ISM1: variants seen among roughly 807,000 people sequenced by gnomAD.
The protein encoded by ISM1 is isthmin 1, also known as isthmin-1.
A neutral mutation model predicts 46.3 loss-of-function variants in ISM1; 25 were observed. That is an observed-to-expected ratio of 0.54 (90% CI 0.39 to 0.75). ISM1 has a LOEUF of 0.75. ISM1 is among the 30% of genes least tolerant of loss of function. The pLI, the probability that ISM1 is intolerant of heterozygous loss-of-function variation, is 0.00. For missense variants in ISM1, 536 were observed against 625.4 expected, an observed-to-expected ratio of 0.86 and a Z score of 1.52; for synonymous variants, 255 against 256.7, an observed-to-expected ratio of 0.99 and a Z score of 0.06.
chr20:13,272,210 G>A (rs2123257297), intron 2 of ISM1, among the ~76,000 whole-genome samples: 1 of 152,250 alleles, frequency 6.6e-6, no homozygotes, highest in African/African-American at 2.4e-5. Context: ...CAGACCAATT[G>A]ATCCTTCATT....
At position 13,279,719 on chromosome 20, in the gene ISM1, C is replaced by T. The variant is rs369464972; in HGVS notation, c.464C>T (p.Ser155Phe). The T allele has an allele frequency of 7.6e-5, 123 of 1,613,908 alleles. No homozygotes were observed. Among genetic ancestry groups the T allele is most frequent in the Non-Finnish European group, 9.7e-5 (115 of 1,179,890 alleles). The stretch of plus-strand genomic sequence containing the variant: ...AATAAGCCCAGCTGGTCAGTCCCAT[C>T]CCCCGACTGGCGGGCCTGGTGGCAG... ...PENKPSWSVPSPDWRAWWQRS... is the reference protein window; with the variant it reads ...PENKPSWSVPFPDWRAWWQRS... The change falls in exon 3 of 6, where the codon TCC becomes TTC. Residue 155 changes from serine to phenylalanine, a missense_variant. Physicochemically the swap from Ser to Phe is radical, Grantham distance 155 (BLOSUM62 -2). Around this residue, in one of 2 missense-constraint regions of ISM1, gnomAD observed 367 missense variants for 376.1 expected, o/e 0.98. Coordinates refer to ENST00000262487, the MANE Select transcript of ISM1 (RefSeq NM_080826.2).
chr20:13,310,376 AG>A, the ISM1 span, among the ~76,000 whole-genome samples: 1 of 152,226 alleles, frequency 6.6e-6, no homozygotes, highest in African/African-American at 2.4e-5. Flanking sequence ...ATCCACCTGC[AG>A]AAGAATGAAA....
At chr20:13,236,800 G>A (rs1171789713) in intron 1 of ISM1, among the ~76,000 whole-genome samples, 4 of 152,184 alleles carry the variant, frequency 2.6e-5, no homozygotes, top group Admixed American at 1.3e-4. Flanking sequence ...GATCTTCTTT[G>A]ACTCCAGGTC....
chr20:13,267,534 A>G (rs976301062), intron 1 of ISM1, among the ~76,000 whole-genome samples: 2 of 152,116 alleles, frequency 1.3e-5, no homozygotes, highest in African/African-American at 4.8e-5. Flanking sequence ...TCTTCTTATT[A>G]TCTAATCTGC....
At chr20:13,287,230 T>C (rs1425006088) in intron 3 of ISM1, among the ~76,000 whole-genome samples, 1 of 152,100 alleles carries the variant, frequency 6.6e-6, no homozygotes, top group Non-Finnish European at 1.5e-5. Flanking sequence ...GGCCTCACAA[T>C]CATGGTGGAA....
At chr20:13,236,621 G>C (rs1244862140) in intron 1 of ISM1, among the ~76,000 whole-genome samples, 1 of 152,144 alleles carries the variant, frequency 6.6e-6, no homozygotes, top group Non-Finnish European at 1.5e-5. Flanking sequence ...TTCTGCCTAT[G>C]AGCCTGTAAA....
At chr20:13,250,493 T>C (rs897175907) in intron 1 of ISM1, among the ~76,000 whole-genome samples, 2 of 152,200 alleles carry the variant, frequency 1.3e-5, no homozygotes, top group Non-Finnish European at 2.9e-5. Context: ...GGGCAAACCA[T>C]GGCAACACAG....
At chr20:13,268,473 A>G in intron 1 of ISM1, among the ~76,000 whole-genome samples, 1 of 150,186 alleles carries the variant, frequency 6.7e-6, no homozygotes, top group African/African-American at 2.4e-5. Flanking sequence ...ATGTCAGGGC[A>G]ACTCCCTCTA....
At chr20:13,266,649 C>T (rs867802995) in intron 1 of ISM1, among the ~76,000 whole-genome samples, 5 of 152,150 alleles carry the variant, frequency 3.3e-5, no homozygotes, top group East Asian at 1.9e-4. Flanking sequence ...GAGCAGGCCC[C>T]CTTGTGTCAC....
In ISM1 at chr20:13,299,228, C is replaced by G; in HGVS notation, c.1164C>G (p.Gly388=). ...TTLAAQHCCY[G]DNMQLITRGK... ...TGGCGGCACAGCACTGCTGCTACGG[C>G]GACAACATGCAGCTCATCACCAGGG... Residue 388 remains glycine, a synonymous_variant, in exon 6 of 6, where the codon GGC becomes GGG. Coordinates refer to ENST00000262487, the MANE Select transcript of ISM1 (RefSeq NM_080826.2). The surrounding 1 kb of genome is among the most constrained non-coding windows in gnomAD (Gnocchi z 5.8). The G allele has an allele frequency of 6.2e-7, 1 of 1,600,774 alleles. No homozygotes were observed. Among genetic ancestry groups the G allele is most frequent in the East Asian group, 2.3e-5 (1 of 44,076 alleles).
At chr20:13,228,445 T>C (rs536526773) in intron 1 of ISM1, among the ~76,000 whole-genome samples, 4 of 152,236 alleles carry the variant, frequency 2.6e-5, no homozygotes, top group Non-Finnish European at 5.9e-5. Context: ...GGCTGTCTTC[T>C]ATCTTATTTC....
At chr20:13,254,212 G>A (rs1023937861) in intron 1 of ISM1, among the ~76,000 whole-genome samples, 14 of 151,590 alleles carry the variant, frequency 9.2e-5, no homozygotes, top group Non-Finnish European at 1.5e-4. Flanking sequence ...CAGCCTGGGC[G>A]ACAGAGCAAA....
At chr20:13,239,669 C>G (rs1018394215) in intron 1 of ISM1, 2 of 152,208 alleles carry the variant, frequency 1.3e-5, no homozygotes, top group Non-Finnish European at 2.9e-5. Context: ...CCCACCTGCA[C>G]TCCATGGTGA....
chr20:13,293,918 G>A (rs1018020406), intron 5 of ISM1, among the ~76,000 whole-genome samples: 3 of 151,786 alleles, frequency 2.0e-5, no homozygotes, highest in Admixed American at 6.6e-5. Flanking sequence ...AGGTTGCAGT[G>A]AGTCGAGATC....
the ISM1 span, among the ~76,000 whole-genome samples, chr20:13,311,702 C>T: frequency 3.0e-4 from 45 of 152,210 alleles, no homozygotes; most frequent in African/African-American, 8.2e-4. Context: ...ACAAATTCTG[C>T]GTGATCTCAC....
chr20:13,294,010 A>C (rs2040381505), intron 5 of ISM1, among the ~76,000 whole-genome samples: 1 of 152,054 alleles, frequency 6.6e-6, no homozygotes, highest in South Asian at 2.1e-4. Context: ...AAAAGAAAAG[A>C]AACAGCTACA....
the ISM1 span, among the ~76,000 whole-genome samples, chr20:13,313,803 T>A: frequency 7.9e-5 from 12 of 152,148 alleles, no homozygotes; most frequent in African/African-American, 2.9e-4. Flanking sequence ...CAGACTCAGA[T>A]ATGGCAGGGA....
intron 1 of ISM1, among the ~76,000 whole-genome samples, chr20:13,228,304 CT>C (rs1160877232): frequency 6.6e-6 from 1 of 152,052 alleles, no homozygotes; most frequent in African/African-American, 2.4e-5. Flanking sequence ...ATACTTTCAT[CT>C]TTTATTTTGC....
chr20:13,243,631 C>CT (rs33959205), intron 1 of ISM1, among the ~76,000 whole-genome samples: 37,558 of 151,856 alleles, frequency 0.25, 4,720 homozygotes, highest in African/African-American at 0.3. Context: ...CATCCCCTCA[C>CT]TTTTCAAATA....
Sources: gnomAD v4.1 joint callset for allele counts (sites outside exome capture counted in the v4.1 genomes callset) on GRCh38, gnomAD v4.1.1 for gene constraint, gnomAD v4.1.1 regional missense constraint, Gnocchi (gnomAD v3.1) non-coding constraint, MANE v1.5 for transcripts, NCBI Gene and HGNC (gene_info 2026-07-23, HGNC 2026-07-21) for gene names.